Variants in CPAMD8 observed in about 807,000 individuals in gnomAD.
CPAMD8 encodes C3 and PZP like alpha-2-macroglobulin domain containing 8, also known as C3 and PZP-like alpha-2-macroglobulin domain-containing protein 8.
A neutral mutation model predicts 224.7 loss-of-function variants in CPAMD8; 146 were observed. The ratio of observed to expected loss-of-function variants is 0.65; its 90% CI spans 0.57 to 0.75. The LOEUF (loss-of-function observed/expected upper bound fraction) is 0.75. Ranked by LOEUF, CPAMD8 falls within the 30% of genes least tolerant of loss-of-function variation. The pLI is 0.00. For synonymous variants in CPAMD8, 966 were observed against 1,044.6 expected (o/e 0.92, Z 1.45); for missense variants, 2,301 against 2,537.5 (o/e 0.91, Z 2.00).
At chr19:17,001,864 C>T (rs1457915184) in intron 9 of CPAMD8, among the ~76,000 whole-genome samples, 3 of 151,360 alleles carry the variant, frequency 2.0e-5, no homozygotes, top group African/African-American at 7.3e-5. Flanking sequence ...GAGGGGGTGC[C>T]CCCAGGGGAG....
intron 22 of CPAMD8, among the ~76,000 whole-genome samples, chr19:16,941,669 T>A (rs2053894271): frequency 6.6e-6 from 1 of 152,060 alleles, no homozygotes; most frequent in African/African-American, 2.4e-5. Context: ...TCTCATGAGA[T>A]CTGGTTGTTT....
At chr19:17,021,079 T>C (rs1431065682) in intron 2 of CPAMD8, among the ~76,000 whole-genome samples, 3 of 152,156 alleles carry the variant, frequency 2.0e-5, no homozygotes, top group Non-Finnish European at 4.4e-5. Context: ...AGTGATTGGC[T>C]CAGGGTTGAG....
rs753163692 is a variant in CPAMD8, at chr19:16,898,009, C to T, written c.4849-15G>A. On this transcript the variant is annotated splice_polypyrimidine_tract_variant and intron_variant, in intron 37 of 41. Coordinates refer to ENST00000443236, the MANE Select transcript of CPAMD8 (RefSeq NM_015692.5). The surrounding 1 kb of genome is among the most constrained non-coding windows in gnomAD (Gnocchi z 4.2). ...CGGCTGGGGATCTGTGGGGCAGCGG[C>T]GGGCGCAGGCTCGACCCGGGCCAGG... 86 of 1,595,374 alleles carry T rather than the reference C, an allele frequency of 5.4e-5. No individual in the cohort carries two copies. The highest frequency in any genetic ancestry group is 6.9e-5 in the Non-Finnish European group (81 of 1,172,002).
intron 29 of CPAMD8, chr19:16,910,588 T>C (rs1164295951): frequency 6.6e-6 from 1 of 152,182 alleles, no homozygotes; most frequent in Non-Finnish European, 1.5e-5. Flanking sequence ...CCTGCTCCAT[T>C]TCTGACCTGG....
intron 13 of CPAMD8, among the ~76,000 whole-genome samples, chr19:16,982,846 A>G (rs925884440): frequency 6.6e-6 from 1 of 152,086 alleles, no homozygotes; most frequent in Admixed American, 6.6e-5. Context: ...TCCCCACTCA[A>G]ATCTCATCTT....
At chr19:16,960,883 ACTC>A (rs1202166251) in intron 18 of CPAMD8, among the ~76,000 whole-genome samples, 2 of 150,414 alleles carry the variant, frequency 1.3e-5, no homozygotes, top group African/African-American at 4.9e-5. Context: ...ACAGAGTGAG[ACTC>A]CTCCTCAAAA....
At chr19:16,980,009 A>G (rs781537186) in intron 14 of CPAMD8, among the ~76,000 whole-genome samples, 1 of 152,144 alleles carries the variant, frequency 6.6e-6, no homozygotes, top group African/African-American at 2.4e-5. Flanking sequence ...CCTACAGTGC[A>G]CAGGACGCCC....
intron 11 of CPAMD8, among the ~76,000 whole-genome samples, chr19:16,996,353 TATAAGG>T (rs2056122322): frequency 6.7e-6 from 1 of 150,130 alleles, no homozygotes; most frequent in South Asian, 2.1e-4. Context: ...AGAAAACATA[TATAAGG>T]ATCATGACAT....
chr19:16,929,154 G>C lies in CPAMD8; in HGVS notation c.2932C>G (p.Arg978Gly), dbSNP rs376136046. 1 of 1,613,978 alleles carries C rather than the reference G, an allele frequency of 6.2e-7. No homozygotes were observed. Among genetic ancestry groups the C allele is most frequent in the Non-Finnish European group, 8.5e-7 (1 of 1,179,918 alleles). The change falls in exon 24 of 42, where the codon CGA becomes GGA. Residue 978 changes from arginine to glycine, a missense_variant. Physicochemically the swap from Arg to Gly is moderately radical, Grantham distance 125 (BLOSUM62 -2). Coordinates refer to ENST00000443236, the MANE Select transcript of CPAMD8 (RefSeq NM_015692.5). ...LRLTRFDVAV[R>G]AHNDARVALS... Reference sequence around the variant, plus strand: ...GCCACACGGGCATCATTGTGAGCTCGCACAGCCACATCAAAGCGGGTGAGG... The same window carrying C: ...GCCACACGGGCATCATTGTGAGCTCCCACAGCCACATCAAAGCGGGTGAGG...
At chr19:16,920,284 C>G (rs1178112763) in intron 27 of CPAMD8, among the ~76,000 whole-genome samples, 1 of 150,272 alleles carries the variant, frequency 6.7e-6, no homozygotes, top group Admixed American at 6.6e-5. Flanking sequence ...TCGAGACCAT[C>G]CTGGCTAACA....
At chr19:16,927,229 G>T (rs1197321091) in intron 25 of CPAMD8, among the ~76,000 whole-genome samples, 1 of 151,844 alleles carries the variant, frequency 6.6e-6, no homozygotes, top group Admixed American at 6.6e-5. Context: ...ACTGAATTAT[G>T]GGGGCGGCTT....
chr19:16,932,843 C>A (rs2053584571), intron 23 of CPAMD8, among the ~76,000 whole-genome samples: 1 of 152,218 alleles, frequency 6.6e-6, no homozygotes, highest in Non-Finnish European at 1.5e-5. Context: ...ACAGGAAGCT[C>A]AGACACCTCC....
intron 29 of CPAMD8, 112 bp from the exon 30 acceptor site, chr19:16,907,229 T>G: frequency 7.9e-7 from 1 of 1,271,202 alleles, no homozygotes; most frequent in Non-Finnish European, 9.9e-7. Context: ...TCCTAGCCCC[T>G]TGCTTTGCAT....
Position 16,999,585 on chromosome 19 carries a change from C to CAA in CPAMD8, c.867+827_867+828dup, listed in dbSNP as rs1200333256. Among the ~76,000 whole-genome samples the CAA allele has an allele frequency of 3.1e-4, 39 of 126,980 alleles. No individual in the cohort carries two copies. In the South Asian group the frequency reaches 5.4e-3, roughly 18 times the overall value. The allele number at this position is 126,980 out of a possible 152,430, so 83.3% of individuals were successfully genotyped here. A position where few individuals can be genotyped will look rare whatever the true frequency, so the allele number is the denominator to read the frequency against. On this transcript the variant is annotated intron_variant, in intron 10 of 41. Transcript: ENST00000443236. ...GGGCAACAGAGCAAGACTCCATCTCCAAAAAAAAAAAAAAAGAAAAGAAAA... is the reference window on the plus strand; with the variant it reads ...GGGCAACAGAGCAAGACTCCATCTCCAAAAAAAAAAAAAAAAAGAAAAGAAAA...
intron 34 of CPAMD8, 41 bp from the exon 35 acceptor site, chr19:16,902,904 C>G: frequency 7.4e-7 from 1 of 1,355,698 alleles, no homozygotes; most frequent in Non-Finnish European, 1.0e-6. Flanking sequence ...GACCTGGGCC[C>G]TCCATAACAG....
In CPAMD8 at chr19:17,000,529, C is replaced by A. The variant is rs373474174; in HGVS notation, c.759-7G>T. On this transcript the variant is annotated splice_region_variant and splice_polypyrimidine_tract_variant and intron_variant, in intron 9 of 41. Coordinates refer to ENST00000443236, the MANE Select transcript of CPAMD8 (RefSeq NM_015692.5). ...AGGTTTCCCAAAGGTATACCTGGAA[C>A]AAAAGGATAAAGCATGCTCAATTTC... The A allele has an allele frequency of 1.1e-4, 123 of 1,156,310 alleles. 1 individual carries two copies. In the Admixed American group the frequency reaches 1.9e-3, roughly 18 times the overall value. 71.6% of individuals were successfully genotyped at this position (1,156,310 alleles called of 1,614,324 possible).
intron 32 of CPAMD8, 50 bp downstream of exon 32, chr19:16,904,176 A>AGGCCCCCCCCCCCCCCCCCCCCCCCCCCC: frequency 3.2e-6 from 3 of 937,338 alleles, no homozygotes; most frequent in East Asian, 2.6e-5. Flanking sequence ...GACTGCAGGG[A>AGGCCCCCCCCCCCCCCCCCCCCCCCCCCC]CCCCACCCAC....
chr19:16,998,606 T>A (rs565675639), intron 10 of CPAMD8, among the ~76,000 whole-genome samples: 27 of 152,276 alleles, frequency 1.8e-4, no homozygotes, highest in Non-Finnish European at 2.9e-4. Flanking sequence ...GCTGAAAGGC[T>A]TAATGTCCGG....
At chr19:17,006,956 C>G (rs1235891696) in intron 7 of CPAMD8, among the ~76,000 whole-genome samples, 1 of 152,124 alleles carries the variant, frequency 6.6e-6, no homozygotes, top group Non-Finnish European at 1.5e-5. Context: ...ATGTGGCGCC[C>G]AACAAATAGC....
Sources: gnomAD v4.1 joint callset for allele counts (sites outside exome capture counted in the v4.1 genomes callset) on GRCh38, gnomAD v4.1.1 for gene constraint, Gnocchi (gnomAD v3.1) non-coding constraint, MANE v1.5 for transcripts, NCBI Gene and HGNC (gene_info 2026-07-23, HGNC 2026-07-21) for gene names.